MAF: variants seen among roughly 807,000 people sequenced by gnomAD.
The protein encoded by MAF is MAF bZIP transcription factor, also known as transcription factor Maf.
A neutral mutation model predicts 22.0 loss-of-function variants in MAF; 10 were observed. The ratio of observed to expected loss-of-function variants is 0.45; its 90% confidence interval spans 0.28 to 0.77. MAF has a LOEUF of 0.77. MAF is among the 30% of genes least tolerant of loss of function. The pLI, the probability that MAF is intolerant of heterozygous loss-of-function variation, is 0.12. For synonymous variants in MAF, 337 were observed against 255.8 expected, an observed-to-expected ratio of 1.32 and a Z score of -3.03; for missense variants, 544 against 548.4, an observed-to-expected ratio of 0.99 and a Z score of 0.08.
chr16:79,571,554 T>TTTTTTTTTTTTTTTTTTC, the MAF span, among the ~76,000 whole-genome samples: 1 of 139,790 alleles, frequency 7.2e-6, no homozygotes, highest in Non-Finnish European at 1.5e-5. Context: ...TTTTTTTTTT[T>TTTTTTTTTTTTTTTTTTC]ACAAATGCAC....
the MAF span, among the ~76,000 whole-genome samples, chr16:79,365,437 G>A: frequency 2.0e-5 from 3 of 152,184 alleles, no homozygotes; most frequent in Admixed American, 6.5e-5. Context: ...CTGGAGCCTA[G>A]TACAGTGCCA....
chr16:79,363,776 T>G, the MAF span, among the ~76,000 whole-genome samples: 31 of 151,704 alleles, frequency 2.0e-4, no homozygotes, highest in Admixed American at 1.8e-3. Flanking sequence ...TTGGTAAGAG[T>G]TGTAAAGGAT....
the MAF span, among the ~76,000 whole-genome samples, chr16:79,472,415 C>G: frequency 6.6e-6 from 1 of 152,162 alleles, no homozygotes; most frequent in African/African-American, 2.4e-5. Context: ...ATGTTCTATC[C>G]ATACAATGGA....
the MAF span, among the ~76,000 whole-genome samples, chr16:79,399,568 T>C: frequency 1.3e-5 from 2 of 152,298 alleles, no homozygotes; most frequent in East Asian, 3.9e-4. Context: ...ATTTTTCAAC[T>C]AATTTTAAAA....
At chr16:79,397,063 C>T in the MAF span, among the ~76,000 whole-genome samples, 2 of 152,134 alleles carry the variant, frequency 1.3e-5, no homozygotes, top group Non-Finnish European at 1.5e-5. Context: ...ACTAAAATGC[C>T]GACCTCATCC....
At chr16:79,491,585 C>T in the MAF span, among the ~76,000 whole-genome samples, 1 of 152,084 alleles carries the variant, frequency 6.6e-6, no homozygotes, top group African/African-American at 2.4e-5. Flanking sequence ...CCCTGCCTCC[C>T]GGTGGTAAAT....
the MAF span, among the ~76,000 whole-genome samples, chr16:79,309,331 G>A: frequency 3.9e-5 from 6 of 152,094 alleles, no homozygotes; most frequent in East Asian, 1.9e-4. Flanking sequence ...TAGAAGATTC[G>A]CTTAAGGTTA....
downstream of MAF, among the ~76,000 whole-genome samples, chr16:79,593,241 G>A (rs1183449264): frequency 6.6e-6 from 1 of 152,154 alleles, no homozygotes; most frequent in African/African-American, 2.4e-5. Flanking sequence ...GAAAACAACG[G>A]CCACAGCAGC....
At chr16:79,390,171 GA>G in the MAF span, among the ~76,000 whole-genome samples, 5 of 152,046 alleles carry the variant, frequency 3.3e-5, no homozygotes, top group African/African-American at 1.2e-4. Flanking sequence ...TGAAGCACTC[GA>G]ATGGACTGGG....
At chr16:79,530,255 A>T in the MAF span, among the ~76,000 whole-genome samples, 4 of 152,288 alleles carry the variant, frequency 2.6e-5, no homozygotes, top group East Asian at 7.7e-4. Flanking sequence ...ACCATGACAC[A>T]ACAGACTACT....
the MAF span, among the ~76,000 whole-genome samples, chr16:79,253,535 C>A: frequency 6.6e-6 from 1 of 152,142 alleles, no homozygotes; most frequent in African/African-American, 2.4e-5. Context: ...GAAGCTAGCA[C>A]GTGGCCTCTC....
At chr16:79,555,375 C>A in the MAF span, among the ~76,000 whole-genome samples, 1 of 152,158 alleles carries the variant, frequency 6.6e-6, no homozygotes, top group Non-Finnish European at 1.5e-5. Context: ...TCTTTTGATA[C>A]CTGATCCCTT....
chr16:79,426,201 A>G, the MAF span, among the ~76,000 whole-genome samples: 2 of 113,050 alleles, frequency 1.8e-5, no homozygotes, highest in African/African-American at 7.3e-5. Flanking sequence ...GCGAGAGTCC[A>G]TCTCAAAAGA....
At position 79,598,151 on chromosome 16, in the gene MAF, A is replaced by C; in HGVS notation, c.1118+634T>G. On this transcript the variant is annotated intron_variant, in intron 1 of 1. Transcript: ENST00000326043. ...TCTCACATGAAGAACTCAGGAGAAG[A>C]AAAAAAAACTTTGCTTTTTTTTTTC... The C allele has an allele frequency of 2.9e-6, 3 of 1,047,608 alleles. No individual in the cohort carries two copies. The South Asian group carries it at 1.4e-4, about 48-fold the overall frequency. 64.9% of individuals were successfully genotyped at this position (1,047,608 alleles called of 1,614,324 possible).
chr16:79,584,654 G>T (rs1597831284), downstream of MAF, among the ~76,000 whole-genome samples: 1 of 152,288 alleles, frequency 6.6e-6, no homozygotes, highest in East Asian at 1.9e-4. Flanking sequence ...ACATTGTAAT[G>T]ATAAAGGCTG....
the MAF span, among the ~76,000 whole-genome samples, chr16:79,352,238 T>A: frequency 2.0e-5 from 3 of 152,304 alleles, no homozygotes; most frequent in Admixed American, 2.0e-4. Flanking sequence ...CGGGCAAGAA[T>A]AATGTCACGG....
At chr16:79,339,027 T>C in the MAF span, among the ~76,000 whole-genome samples, 1 of 152,262 alleles carries the variant, frequency 6.6e-6, no homozygotes, top group African/African-American at 2.4e-5. Context: ...GTATTACTTC[T>C]GGGTCAAGGC....
At chr16:79,486,771 A>G in the MAF span, among the ~76,000 whole-genome samples, 1 of 152,234 alleles carries the variant, frequency 6.6e-6, no homozygotes, top group Non-Finnish European at 1.5e-5. Flanking sequence ...AGAATAATTA[A>G]CTATCCTAAA....
the MAF span, among the ~76,000 whole-genome samples, chr16:79,383,518 A>G: frequency 6.6e-6 from 1 of 152,212 alleles, no homozygotes; most frequent in Non-Finnish European, 1.5e-5. Context: ...CAAAGTGGAA[A>G]TCCATTATCT....
Sources: allele counts gnomAD v4.1 joint callset (sites outside exome capture counted in the v4.1 genomes callset), GRCh38; gene constraint gnomAD v4.1.1; transcripts MANE v1.5; gene names NCBI Gene and HGNC (gene_info 2026-07-23, HGNC 2026-07-21).